Variants in FBXL20 observed in about 807,000 individuals in gnomAD.
FBXL20 encodes F-box/LRR-repeat protein 20.
In FBXL20, 11 loss-of-function variants were observed where a neutral mutation model predicts 64.0. The ratio of observed to expected loss-of-function variants is 0.17; its 90% confidence interval spans 0.11 to 0.28. The LOEUF (loss-of-function observed/expected upper bound fraction) is 0.28. Among genes scored for constraint, FBXL20 ranks in the 10% least tolerant of loss-of-function variants. The pLI is 1.00. For synonymous variants in FBXL20, 184 were observed against 189.0 expected, an observed-to-expected ratio of 0.97 and a Z score of 0.22; for missense variants, 303 against 526.2, an observed-to-expected ratio of 0.58 and a Z score of 4.15.
chr17:39,382,097 A>AC (rs1477099920), intron 1 of FBXL20, among the ~76,000 whole-genome samples: 1 of 150,632 alleles, frequency 6.6e-6, no homozygotes, highest in Non-Finnish European at 1.5e-5. Flanking sequence ...CGTCTCAAAA[A>AC]AAAAAAAAAA....
intron 1 of FBXL20, among the ~76,000 whole-genome samples, chr17:39,357,274 T>G (rs1247649604): frequency 1.2e-5 from 1 of 82,118 alleles, no homozygotes; most frequent in African/African-American, 8.7e-5. Context: ...AAACTCTGTC[T>G]CAAAAAAAAA....
In FBXL20 at chr17:39,394,658, G is replaced by A. The variant is rs550266331; in HGVS notation, c.42+6703C>T. Among the ~76,000 whole-genome samples, 15 of 151,388 alleles carry A rather than the reference G, an allele frequency of 9.9e-5. 1 individual carries two copies. The highest frequency in any genetic ancestry group is 4.2e-4 in the South Asian group (2 of 4,784). The stretch of plus-strand genomic sequence containing the variant: ...CAGCTCACTGCAACCTTCGCCTCCC[G>A]GTTTCAAGCGATTCTCCCACCTCAG... On this transcript the variant is annotated intron_variant, in intron 1 of 14. Transcript: ENST00000264658.
intron 2 of FBXL20, among the ~76,000 whole-genome samples, chr17:39,315,866 A>C (rs573085136): frequency 2.8e-4 from 37 of 132,642 alleles, no homozygotes; most frequent in Non-Finnish European, 4.3e-4. Context: ...AGAGAGAGAG[A>C]GAGAGCAACT....
At chr17:39,306,501 T>C (rs543989726) in intron 2 of FBXL20, among the ~76,000 whole-genome samples, 71 of 152,334 alleles carry the variant, frequency 4.7e-4, no homozygotes, top group Non-Finnish European at 8.8e-4. Context: ...AGACCATTTA[T>C]TGAAAAGACT....
At chr17:39,288,944 C>CCTCT (rs2047012852) in intron 6 of FBXL20, among the ~76,000 whole-genome samples, 1 of 152,150 alleles carries the variant, frequency 6.6e-6, no homozygotes, top group Non-Finnish European at 1.5e-5. Context: ...ACCTTGTGAT[C>CCTCT]TGCCCACCTC....
chr17:39,334,748 CT>C (rs2047504099), intron 2 of FBXL20, among the ~76,000 whole-genome samples: 1 of 152,156 alleles, frequency 6.6e-6, no homozygotes, highest in East Asian at 1.9e-4. Flanking sequence ...CTCAAGCAAT[CT>C]TTATCACTTA....
intron 1 of FBXL20, among the ~76,000 whole-genome samples, chr17:39,376,024 CAGA>C (rs1024678761): frequency 9.2e-5 from 14 of 152,028 alleles, no homozygotes; most frequent in Non-Finnish European, 2.1e-4. Flanking sequence ...GAGGCTGAGG[CAGA>C]AGAAGAGCTT....
At chr17:39,343,134 A>G in intron 2 of FBXL20, 46 bp downstream of exon 2, 1 of 1,416,522 alleles carries the variant, frequency 7.1e-7, no homozygotes. Flanking sequence ...ACAGGCAAAT[A>G]TGACATACAC....
At chr17:39,285,020 C>G (rs900359903) in intron 7 of FBXL20, among the ~76,000 whole-genome samples, 1 of 151,966 alleles carries the variant, frequency 6.6e-6, no homozygotes, top group Non-Finnish European at 1.5e-5. Context: ...TTACCGCAAC[C>G]TCTGCCTCCC....
chr17:39,264,986 AAAGTAGGAG>A (rs1350346538), intron 13 of FBXL20, among the ~76,000 whole-genome samples: 2 of 152,226 alleles, frequency 1.3e-5, no homozygotes, highest in Admixed American at 1.3e-4. Context: ...AGTGTCACTG[AAAGTAGGAG>A]CAGAACACCC....
At chr17:39,316,852 G>C (rs778647046) in intron 2 of FBXL20, among the ~76,000 whole-genome samples, 2 of 152,218 alleles carry the variant, frequency 1.3e-5, no homozygotes, top group Non-Finnish European at 2.9e-5. Flanking sequence ...AGCCGGGCAT[G>C]GTGCTGGGCG....
chr17:39,377,345 T>G (rs2047976831), intron 1 of FBXL20, among the ~76,000 whole-genome samples: 1 of 152,160 alleles, frequency 6.6e-6, no homozygotes, highest in East Asian at 1.9e-4. Flanking sequence ...GCTCACTGAC[T>G]TTCCCCCACC....
intron 2 of FBXL20, among the ~76,000 whole-genome samples, chr17:39,331,022 T>C (rs2047455251): frequency 6.6e-6 from 1 of 152,228 alleles, no homozygotes. Context: ...TCAAAGTCCT[T>C]TTCCTCTGCC....
intron 14 of FBXL20, among the ~76,000 whole-genome samples, chr17:39,262,858 C>T (rs764871916): frequency 2.0e-5 from 3 of 151,692 alleles, no homozygotes; most frequent in East Asian, 2.0e-4. Context: ...GAAAATTAGC[C>T]GGGCGTGGTG....
intron 5 of FBXL20, 112 bp downstream of exon 5, chr17:39,298,878 T>C (rs1233396225): frequency 1.4e-5 from 11 of 776,504 alleles, no homozygotes; most frequent in Non-Finnish European, 2.4e-5. Flanking sequence ...ATAAGCAATG[T>C]GTGGTTGCAT....
chr17:39,349,168 C>T (rs9894586), intron 1 of FBXL20, among the ~76,000 whole-genome samples: 57,497 of 151,324 alleles, frequency 0.38, 14,027 homozygotes, highest in African/African-American at 0.69. Flanking sequence ...AGGAGAATCA[C>T]TTGAACCCGG....
chr17:39,378,903 G>A (rs1286599224), intron 1 of FBXL20, among the ~76,000 whole-genome samples: 1 of 149,360 alleles, frequency 6.7e-6, no homozygotes, highest in South Asian at 2.2e-4. Flanking sequence ...GAGCCACCGC[G>A]CCCGGCCATA....
chr17:39,323,056 G>A (rs1467213387), intron 2 of FBXL20, among the ~76,000 whole-genome samples: 2 of 150,938 alleles, frequency 1.3e-5, no homozygotes, highest in Non-Finnish European at 2.9e-5. Context: ...TGCAAGCTCC[G>A]CCTCCAGGGT....
At chr17:39,300,851 G>T in intron 4 of FBXL20, 150 bp downstream of exon 4, 2 of 634,780 alleles carry the variant, frequency 3.2e-6, no homozygotes, top group Non-Finnish European at 5.2e-6. Flanking sequence ...AGAAACCCTT[G>T]GTAACTTTGG....
Sources: allele counts gnomAD v4.1 joint callset (sites outside exome capture counted in the v4.1 genomes callset), GRCh38; gene constraint gnomAD v4.1.1; transcripts MANE v1.5; gene names NCBI Gene and HGNC (gene_info 2026-07-23, HGNC 2026-07-21).